NRG1: variants seen among roughly 807,000 people sequenced by gnomAD.
NRG1 encodes the protein pro-neuregulin-1, membrane-bound isoform.
A neutral mutation model predicts 63.8 loss-of-function variants in NRG1; 18 were observed. The ratio of observed to expected loss-of-function variants is 0.28; its 90% CI spans 0.19 to 0.42. The LOEUF is 0.42. Among genes scored for constraint, NRG1 ranks in the 10% least tolerant of loss-of-function variants. NRG1 has a pLI of 1.00. For missense variants in NRG1, 762 were observed against 814.7 expected (o/e 0.94, Z 0.79); for synonymous variants, 302 against 301.3 (o/e 1.00, Z -0.02).
chr8:32,530,358 C>A (rs1185776744), intron 1 of NRG1, among the ~76,000 whole-genome samples: 1 of 152,088 alleles, frequency 6.6e-6, no homozygotes, highest in East Asian at 1.9e-4. Flanking sequence ...CCGCCCGCCT[C>A]GGCCTCCCAA....
intron 1 of NRG1, among the ~76,000 whole-genome samples, chr8:31,832,249 G>GT (rs5890599): frequency 0.2 from 27,545 of 136,044 alleles, 3,661 homozygotes; most frequent in East Asian, 0.67. Flanking sequence ...AAATGCTCTA[G>GT]TTTTTTTTTT....
chr8:31,790,840 A>G (rs553450816), intron 1 of NRG1, among the ~76,000 whole-genome samples: 59 of 152,306 alleles, frequency 3.9e-4, no homozygotes, highest in Middle Eastern at 3.4e-3. Flanking sequence ...CACCTTGTCC[A>G]GGGGTGGTTA....
intron 1 of NRG1, among the ~76,000 whole-genome samples, chr8:32,356,342 T>C (rs919654114): frequency 6.6e-6 from 1 of 152,080 alleles, no homozygotes; most frequent in Admixed American, 6.6e-5. Flanking sequence ...TATAAAATCA[T>C]GAAACATCAT....
intron 3 of NRG1, among the ~76,000 whole-genome samples, chr8:32,613,219 C>T (rs1353266682): frequency 1.3e-5 from 2 of 152,002 alleles, no homozygotes; most frequent in Non-Finnish European, 1.5e-5. Context: ...GCATAGTTTG[C>T]CCTCCTAATC....
At chr8:31,737,172 G>A (rs1263705096) in intron 1 of NRG1, among the ~76,000 whole-genome samples, 3 of 152,040 alleles carry the variant, frequency 2.0e-5, no homozygotes, top group Non-Finnish European at 4.4e-5. Flanking sequence ...TAGAAGTGGT[G>A]TGAGATAAAG....
At chr8:32,043,541 C>T (rs1378338361) in intron 1 of NRG1, among the ~76,000 whole-genome samples, 1 of 151,772 alleles carries the variant, frequency 6.6e-6, no homozygotes, top group Non-Finnish European at 1.5e-5. Context: ...AAATATAGTA[C>T]ATATCATCCT....
chr8:31,748,783 T>C (rs989747402), intron 1 of NRG1, among the ~76,000 whole-genome samples: 1 of 151,888 alleles, frequency 6.6e-6, no homozygotes, highest in Non-Finnish European at 1.5e-5. Context: ...ATCTATTTTT[T>C]GCTCCACTTT....
chr8:32,470,315 G>A (rs1823672520), intron 1 of NRG1, among the ~76,000 whole-genome samples: 1 of 151,704 alleles, frequency 6.6e-6, no homozygotes, highest in South Asian at 2.1e-4. Context: ...AGAGTAGCTG[G>A]GACTACAGGC....
chr8:32,506,916 G>C (rs1447358078), intron 1 of NRG1, among the ~76,000 whole-genome samples: 2 of 152,008 alleles, frequency 1.3e-5, no homozygotes, highest in Non-Finnish European at 2.9e-5. Context: ...TTTTTCAAGG[G>C]TGTACAATCT....
At chr8:32,342,171 C>T (rs996759402) in intron 1 of NRG1, among the ~76,000 whole-genome samples, 1 of 152,142 alleles carries the variant, frequency 6.6e-6, no homozygotes, top group African/African-American at 2.4e-5. Flanking sequence ...TATCCAGAAA[C>T]ATGCACACTC....
intron 1 of NRG1, among the ~76,000 whole-genome samples, chr8:31,657,640 G>T (rs954215397): frequency 1.3e-5 from 2 of 152,168 alleles, no homozygotes; most frequent in African/African-American, 4.8e-5. Flanking sequence ...AAGACACCCT[G>T]CACAAGATTA....
intron 1 of NRG1, among the ~76,000 whole-genome samples, chr8:31,772,041 A>G (rs1217257824): frequency 6.6e-6 from 1 of 152,248 alleles, no homozygotes; most frequent in Non-Finnish European, 1.5e-5. Context: ...TTATAAGCAC[A>G]TGGTTTCCAG....
chr8:32,066,092 T>G (rs767552639), intron 1 of NRG1, among the ~76,000 whole-genome samples: 52 of 152,390 alleles, frequency 3.4e-4, no homozygotes, highest in Non-Finnish European at 5.9e-4. Context: ...ATTATCCCTT[T>G]GTCAGATGAA....
intron 1 of NRG1, among the ~76,000 whole-genome samples, chr8:32,549,176 C>T (rs908332051): frequency 6.6e-6 from 1 of 152,252 alleles, no homozygotes; most frequent in Admixed American, 6.5e-5. Context: ...GGAGTCGAGG[C>T]TGCGTGCGCG....
intron 7 of NRG1, among the ~76,000 whole-genome samples, chr8:32,745,714 G>A (rs192558635): frequency 4.1e-4 from 62 of 151,048 alleles, no homozygotes; most frequent in Admixed American, 3.6e-3. Context: ...ACGTATGTGT[G>A]TGTATACAGG....
intron 1 of NRG1, among the ~76,000 whole-genome samples, chr8:31,653,224 A>G (rs1388008225): frequency 2.6e-5 from 4 of 152,098 alleles, no homozygotes; most frequent in Admixed American, 1.3e-4. Context: ...AACAAGAAGT[A>G]GTAAATGCTA....
chr8:32,740,809 T>A (rs774455026), intron 6 of NRG1, among the ~76,000 whole-genome samples: 3 of 152,164 alleles, frequency 2.0e-5, no homozygotes, highest in Non-Finnish European at 2.9e-5. Flanking sequence ...AGGAACAGTT[T>A]TGTTCATATC....
At chr8:31,912,280 A>G (rs1025541772) in intron 1 of NRG1, among the ~76,000 whole-genome samples, 3 of 152,214 alleles carry the variant, frequency 2.0e-5, no homozygotes, top group African/African-American at 7.2e-5. Flanking sequence ...TAGCTGCACC[A>G]TCTTACTTTT....
chr8:32,168,158 CA>C (rs1422109482), intron 1 of NRG1, among the ~76,000 whole-genome samples: 3 of 152,070 alleles, frequency 2.0e-5, no homozygotes, highest in African/African-American at 7.2e-5. Flanking sequence ...GGGCCGGCAT[CA>C]TGGAGAGTAA....
Sources: gnomAD v4.1 joint callset for allele counts (sites outside exome capture counted in the v4.1 genomes callset) on GRCh38, gnomAD v4.1.1 for gene constraint, MANE v1.5 for transcripts, NCBI Gene and HGNC (gene_info 2026-07-23, HGNC 2026-07-21) for gene names.